Variants in KCNN3 observed in about 807,000 individuals in gnomAD.
KCNN3 encodes the protein potassium calcium-activated channel subfamily N member 3.
In KCNN3, 16 loss-of-function variants were observed where a neutral mutation model predicts 62.9. That is an observed-to-expected ratio of 0.25 (90% CI 0.17 to 0.39). The LOEUF is 0.39. KCNN3 is among the 10% of genes least tolerant of loss of function. KCNN3 has a pLI of 1.00. For synonymous variants in KCNN3, 370 were observed against 389.2 expected (o/e 0.95, Z 0.58); for missense variants, 599 against 949.4 (o/e 0.63, Z 4.85).
intron 5 of KCNN3, among the ~76,000 whole-genome samples, chr1:154,725,049 G>A (rs1485633131): frequency 6.6e-6 from 1 of 151,972 alleles, no homozygotes; most frequent in African/African-American, 2.4e-5. Flanking sequence ...TAGAGACGGG[G>A]TTTCACATGT....
At chr1:154,791,692 C>T (rs571240451) in intron 2 of KCNN3, among the ~76,000 whole-genome samples, 1 of 152,294 alleles carries the variant, frequency 6.6e-6, no homozygotes, top group Admixed American at 6.5e-5. Context: ...AAGCCCTGTC[C>T]AACTTGAGAG....
intron 2 of KCNN3, among the ~76,000 whole-genome samples, chr1:154,793,790 G>T (rs906679858): frequency 3.3e-5 from 5 of 152,130 alleles, no homozygotes; most frequent in African/African-American, 1.2e-4. Flanking sequence ...CTTAGTCAAG[G>T]AATACTAAAG....
rs1272864491 is a variant in KCNN3 at position 154,869,679 on chromosome 1, C to T, written c.286G>A (p.Val96Ile). The change falls in exon 1 of 8, where the codon GTC (valine) becomes ATC (isoleucine). Residue 96 changes from valine to isoleucine, a missense_variant. By Grantham distance (29) the Val-to-Ile change is conservative. This residue lies in a region of KCNN3 where 112 missense variants were observed against 142.9 expected (regional missense o/e 0.78). Transcript: ENST00000271915. The surrounding 1 kb of genome is among the most constrained non-coding windows in gnomAD (Gnocchi z 6.1). Reference protein sequence around the residue: ...SQLAQLQSQPVHPGLLHSSPT... With the variant: ...SQLAQLQSQPIHPGLLHSSPT... ...GAGGAGTGCAGCAGGCCAGGGTGGA[C>T]GGGCTGGCTCTGGAGTTGGGCGAGC... is the stretch of plus-strand genomic sequence containing the variant. The T allele has an allele frequency of 1.9e-6, 3 of 1,596,756 alleles. No homozygotes were observed. The highest frequency in any genetic ancestry group is 2.7e-5 in the African/African-American group (2 of 73,712).
intron 1 of KCNN3, among the ~76,000 whole-genome samples, chr1:154,855,352 A>G (rs981424782): frequency 1.3e-5 from 2 of 152,236 alleles, no homozygotes; most frequent in African/African-American, 4.8e-5. Flanking sequence ...ACTAGTCTAC[A>G]GTCATGTCCT....
In KCNN3 at chr1:154,862,245, C is replaced by T. The variant is rs1355273650; in HGVS notation, c.933+6787G>A. ...GCACTCAACCCTGGGAACCCCTGTGCAGCCGAGTTTTCTCATCCCTGAGAT... is the reference window on the plus strand; with the variant it reads ...GCACTCAACCCTGGGAACCCCTGTGTAGCCGAGTTTTCTCATCCCTGAGAT... On this transcript the variant is annotated intron_variant, in intron 1 of 7. Transcript: ENST00000271915. This position sits in a 1 kb window ranked among gnomAD's most constrained non-coding sequence, Gnocchi z 4.1. 2.0e-5 allele frequency among the ~76,000 whole-genome samples: 3 copies of T among 152,128 alleles called. No homozygotes were observed. Among genetic ancestry groups the T allele is most frequent in the Admixed American group, 6.5e-5 (1 of 15,280 alleles).
chr1:154,862,501 C>G lies in KCNN3; in HGVS notation c.933+6531G>C, dbSNP rs557077459. The stretch of plus-strand genomic sequence containing the variant: ...GTCAGGTCTAGGGGTCCTGCTGGCC[C>G]TCCAGGGGTGGAAGGTGGGGGTGCT... On this transcript the variant is annotated intron_variant, in intron 1 of 7. Transcript: ENST00000271915. This position sits in a 1 kb window ranked among gnomAD's most constrained non-coding sequence, Gnocchi z 4.1. Among the ~76,000 whole-genome samples, 1 of 152,222 alleles carries G rather than the reference C, an allele frequency of 6.6e-6. No homozygotes were observed. The highest frequency in any genetic ancestry group is 2.1e-4 in the South Asian group (1 of 4,820).
Position 154,714,899 on chromosome 1 carries a change from C to G in KCNN3, c.1806G>C (p.Arg602Ser). ...ACTGGTGGATAGCTTGGAGGAACTT[C>G]CTCTGGTGTTTCCTCACTTTGGCAT... ...IDHAKVRKHQRKFLQAIHQLR... is the reference protein window; with the variant it reads ...IDHAKVRKHQSKFLQAIHQLR... Residue 602 changes from arginine to serine, a missense_variant, in exon 6 of 8, where the codon AGG becomes AGC. By Grantham distance (110) the Arg-to-Ser change is moderately radical. Transcript: ENST00000271915. 1 of 1,613,606 alleles carries G rather than the reference C, an allele frequency of 6.2e-7. No homozygotes were observed. Among genetic ancestry groups the G allele is most frequent in the Non-Finnish European group, 8.5e-7 (1 of 1,179,726 alleles).
At chr1:154,714,247 ATGGTGTGTG>A (rs1557938094) in intron 6 of KCNN3, among the ~76,000 whole-genome samples, 2 of 14,582 alleles carry the variant, frequency 1.4e-4, no homozygotes, top group Non-Finnish European at 1.4e-4. Flanking sequence ...TGCGGTGTGT[ATGGTGTGTG>A]TGATGTGTGG....
intron 3 of KCNN3, among the ~76,000 whole-genome samples, chr1:154,765,954 ACT>A (rs1248499221): frequency 2.6e-5 from 4 of 151,358 alleles, no homozygotes; most frequent in Non-Finnish European, 5.9e-5. Flanking sequence ...GCCACCCAAG[ACT>A]CTTCTAATGT....
At chr1:154,823,172 T>G (rs2101895455) in intron 1 of KCNN3, among the ~76,000 whole-genome samples, 1 of 152,308 alleles carries the variant, frequency 6.6e-6, no homozygotes, top group East Asian at 1.9e-4. Context: ...TCAGGGTGTC[T>G]GGGTTGGAAC....
intron 2 of KCNN3, among the ~76,000 whole-genome samples, chr1:154,794,063 G>A (rs972975767): frequency 2.6e-4 from 40 of 152,166 alleles, no homozygotes; most frequent in African/African-American, 9.2e-4. Context: ...GACCACCAAG[G>A]CTGTTGTGCT....
intron 5 of KCNN3, among the ~76,000 whole-genome samples, chr1:154,717,335 T>C (rs1407398370): frequency 6.6e-6 from 1 of 152,152 alleles, no homozygotes; most frequent in East Asian, 1.9e-4. Context: ...CATACAGATA[T>C]TAGTTAATAT....
intron 2 of KCNN3, among the ~76,000 whole-genome samples, chr1:154,778,674 C>T (rs895546502): frequency 5.4e-5 from 7 of 129,058 alleles, no homozygotes; most frequent in Non-Finnish European, 9.3e-5. Context: ...GGCTGGAGTG[C>T]AATGGCACCA....
chr1:154,819,600 GAGA>G (rs991110262), intron 2 of KCNN3, among the ~76,000 whole-genome samples: 2 of 152,194 alleles, frequency 1.3e-5, no homozygotes, highest in Non-Finnish European at 2.9e-5. Flanking sequence ...CCTCTGGCAA[GAGA>G]AGGTCTAGCT....
At chr1:154,713,209 T>C (rs1700114537) in intron 7 of KCNN3, among the ~76,000 whole-genome samples, 1 of 152,150 alleles carries the variant, frequency 6.6e-6, no homozygotes, top group Admixed American at 6.5e-5. Context: ...AGTCAGCTCA[T>C]TAATTTCACG....
At chr1:154,793,460 C>A (rs1283361501) in intron 2 of KCNN3, among the ~76,000 whole-genome samples, 5 of 152,200 alleles carry the variant, frequency 3.3e-5, no homozygotes, top group Non-Finnish European at 7.3e-5. Context: ...AGCCTAGAGA[C>A]AAAGCCACCA....
intron 2 of KCNN3, among the ~76,000 whole-genome samples, chr1:154,778,252 A>G (rs1648873710): frequency 6.6e-6 from 1 of 152,210 alleles, no homozygotes; most frequent in South Asian, 2.1e-4. Flanking sequence ...GGAGCTTGTA[A>G]TTAGAGAAAA....
At chr1:154,747,552 G>A (rs200018680) in intron 3 of KCNN3, among the ~76,000 whole-genome samples, 6 of 152,034 alleles carry the variant, frequency 3.9e-5, no homozygotes, top group Non-Finnish European at 5.9e-5. Flanking sequence ...TATCACTCTC[G>A]CTATCTGGTA....
chr1:154,739,623 T>A (rs529210170), intron 3 of KCNN3, among the ~76,000 whole-genome samples: 3 of 152,192 alleles, frequency 2.0e-5, no homozygotes, highest in Admixed American at 6.6e-5. Context: ...CCTTTCCTTT[T>A]GAGTGTGGGC....
Sources: gnomAD v4.1 joint callset for allele counts (sites outside exome capture counted in the v4.1 genomes callset) on GRCh38, gnomAD v4.1.1 for gene constraint, gnomAD v4.1.1 regional missense constraint, Gnocchi (gnomAD v3.1) non-coding constraint, MANE v1.5 for transcripts, NCBI Gene and HGNC (gene_info 2026-07-23, HGNC 2026-07-21) for gene names.